The following ATP11C variants were observed in gnomAD, a reference collection of about 807,000 sequenced individuals.
The protein encoded by ATP11C is ATPase phospholipid transporting 11C (ATP11C blood group), also known as phospholipid-transporting ATPase IG.
In ATP11C, 36 loss-of-function variants were observed where a neutral mutation model predicts 97.4. That is an observed-to-expected ratio of 0.37 (90% confidence interval 0.28 to 0.49). The LOEUF is 0.49. ATP11C is among the 20% of genes least tolerant of loss of function. ATP11C has a pLI of 0.98. For missense variants in ATP11C, 730 were observed against 824.6 expected (o/e 0.89, Z 1.40); for synonymous variants, 275 against 290.9 (o/e 0.95, Z 0.56).
At chrX:139,907,282 A>G (rs749457010) in intron 1 of ATP11C, among the ~76,000 whole-genome samples, 3 of 111,792 alleles carry the variant, frequency 2.7e-5, no homozygotes, top group African/African-American at 9.8e-5. Context: ...CCACATGACT[A>G]AGATTTCTCC....
chrX:139,730,477 G>A (rs2081319284), intron 29 of ATP11C, among the ~76,000 whole-genome samples: 2 of 111,638 alleles, frequency 1.8e-5, no homozygotes, highest in Non-Finnish European at 1.9e-5. Context: ...GTGGCAAAAT[G>A]AGTCTGCTTC....
chrX:139,781,811 T>C (rs947898997), intron 18 of ATP11C, among the ~76,000 whole-genome samples: 1 of 112,242 alleles, frequency 8.9e-6, no homozygotes, highest in Non-Finnish European at 1.9e-5. Flanking sequence ...TAAGCTCTCA[T>C]GTTGTTCACT....
intron 1 of ATP11C, among the ~76,000 whole-genome samples, chrX:139,837,538 T>C (rs1186749764): frequency 1.8e-5 from 2 of 112,545 alleles, no homozygotes; most frequent in African/African-American, 3.2e-5. Context: ...GTTAATACAA[T>C]TCTAAGTCTA....
At chrX:139,836,434 G>A (rs1294378263) in intron 1 of ATP11C, among the ~76,000 whole-genome samples, 1 of 110,945 alleles carries the variant, frequency 9.0e-6, no homozygotes, top group Non-Finnish European at 1.9e-5. Flanking sequence ...AGAATCGCTT[G>A]AGCCTGGGAG....
intron 5 of ATP11C, among the ~76,000 whole-genome samples, chrX:139,806,527 A>C (rs978404365): frequency 4.5e-5 from 5 of 111,780 alleles, no homozygotes; most frequent in Admixed American, 2.8e-4. Context: ...CCAAGCATAG[A>C]AGGAAGAGAT....
rs140878163 is a variant in ATP11C at position 139,903,317 on chromosome X, C to T, written c.27+28699G>A. ...GGTGTGTTAGGACTCAGGGGGCAGGCCTCTGACCTTTTCCTGCCCTCCTTT... is the reference window on the plus strand; with the variant it reads ...GGTGTGTTAGGACTCAGGGGGCAGGTCTCTGACCTTTTCCTGCCCTCCTTT... On this transcript the variant is annotated intron_variant, in intron 1 of 29. Transcript: ENST00000682941. Among the ~76,000 whole-genome samples, 5 of 110,807 alleles carry T rather than the reference C, an allele frequency of 4.5e-5. No individual in the cohort carries two copies. In the East Asian group the frequency reaches 1.4e-3, roughly 32 times the overall value.
intron 7 of ATP11C, 80 bp downstream of exon 7, chrX:139,802,156 G>A: frequency 2.9e-6 from 2 of 692,630 alleles, no homozygotes; most frequent in Non-Finnish European, 4.7e-6. Context: ...GGTAAGTGGT[G>A]GGTGTTTCTT....
chrX:139,805,831 T>A (rs1381894435), intron 5 of ATP11C, among the ~76,000 whole-genome samples: 1 of 112,372 alleles, frequency 8.9e-6, no homozygotes, highest in African/African-American at 3.2e-5. Context: ...AGGAAGAATT[T>A]TATTTTCTTT....
At chrX:139,790,371 T>G (rs1433941834) in intron 12 of ATP11C, among the ~76,000 whole-genome samples, 3 of 110,888 alleles carry the variant, frequency 2.7e-5, no homozygotes, top group Non-Finnish European at 5.7e-5. Flanking sequence ...GCCCAGCCAG[T>G]TAACCTGTTT....
chrX:139,924,927 G>A lies in ATP11C; in HGVS notation c.27+7089C>T, dbSNP rs766963463. On this transcript the variant is annotated intron_variant, in intron 1 of 29. Transcript: ENST00000682941. The stretch of plus-strand genomic sequence containing the variant: ...GCTATAATAAATCACATCCGCAAGC[G>A]TTTCTATGTACTGAGTTCTGCCAGT... Among the ~76,000 whole-genome samples the A allele has an allele frequency of 2.8e-4, 31 of 111,570 alleles. 1 individual carries two copies. The highest frequency in any genetic ancestry group is 5.5e-4 in the Non-Finnish European group (29 of 53,171).
intron 1 of ATP11C, among the ~76,000 whole-genome samples, chrX:139,876,642 G>A (rs1262741868): frequency 8.9e-6 from 1 of 112,101 alleles, no homozygotes; most frequent in African/African-American, 3.2e-5. Context: ...AGCTGCAAGT[G>A]ATGCCAATTT....
Position 139,774,708 on chromosome X carries a change from C to T in ATP11C, c.2198G>A (p.Ser733Asn). The part of the protein sequence containing the change: ...RKKLLHEFPK[S>N]TRSFKKAWTE... ...TTCTTACTTTTTAAAGCTTCTAGTA[C>T]TTTTAGGAAACTCATGCAGCAATTT... Residue 733 changes from serine (S) to asparagine (N), a missense_variant, in exon 19 of 30, where the codon AGT becomes AAT. Transcript: ENST00000682941. 2 of 1,208,019 alleles carry T rather than the reference C, an allele frequency of 1.7e-6. No individual in the cohort carries two copies. The highest frequency in any genetic ancestry group is 2.2e-6 in the Non-Finnish European group (2 of 892,902).
At chrX:139,796,617 C>G in intron 11 of ATP11C, 147 bp from the exon 12 acceptor site, 1 of 430,793 alleles carries the variant, frequency 2.3e-6, no homozygotes, top group Non-Finnish European at 4.0e-6. Flanking sequence ...AACACTACAT[C>G]ACTGTAGTCA....
At chrX:139,898,655 T>C (rs1464086035) in intron 1 of ATP11C, among the ~76,000 whole-genome samples, 1 of 111,696 alleles carries the variant, frequency 9.0e-6, no homozygotes, top group Non-Finnish European at 1.9e-5. Context: ...AATATTCATT[T>C]TAATGTCAAA....
At chrX:139,884,296 T>C (rs1422629648) in intron 1 of ATP11C, among the ~76,000 whole-genome samples, 2 of 111,218 alleles carry the variant, frequency 1.8e-5, no homozygotes. Flanking sequence ...ATAACCTTAC[T>C]GAAACAACCT....
intron 1 of ATP11C, among the ~76,000 whole-genome samples, chrX:139,903,480 G>A (rs780913682): frequency 4.3e-4 from 47 of 109,748 alleles, no homozygotes; most frequent in African/African-American, 1.5e-3. Context: ...GACACGTGGA[G>A]GTTCCTGGAG....
rs773322260 is a variant in ATP11C, at chrX:139,780,268, TA to T, written c.1952+2278del. On this transcript the variant is annotated intron_variant, in intron 18 of 29. Transcript: ENST00000682941. ...ATAAAAAAAGAAAACTATAGGCCATTATTCATGATGAACATAGATGTAAAAA... is the reference window on the plus strand; with the variant it reads ...ATAAAAAAAGAAAACTATAGGCCATTTTCATGATGAACATAGATGTAAAAA... Among the ~76,000 whole-genome samples the T allele has an allele frequency of 3.1e-4, 34 of 111,302 alleles. No individual in the cohort carries two copies. The South Asian group carries it at 0.013, about 42-fold the overall frequency.
At chrX:139,769,267 T>TA (rs1358216049) in intron 19 of ATP11C, among the ~76,000 whole-genome samples, 1 of 70,779 alleles carries the variant, frequency 1.4e-5, no homozygotes, top group Non-Finnish European at 2.6e-5. Flanking sequence ...ACAAATGGCT[T>TA]TGGGGCAAAC....
rs1477158812 is a variant in ATP11C, at chrX:139,745,758, AAAGT to A, written c.2924_2927del (p.Tyr975PhefsTer8). ...CTTCTAGGGATGCAGTCTGAAAAAGAAAGTAAGTCCCAAAGAAGAACACTGTCCC... is the reference window on the plus strand; with the variant it reads ...CTTCTAGGGATGCAGTCTGAAAAAGAAAGTCCCAAAGAAGAACACTGTCCC... On this transcript the variant is annotated frameshift_variant, in exon 25 of 30. Transcript: ENST00000682941. LOFTEE classifies it high-confidence loss of function. 1 of 1,206,778 alleles carries A rather than the reference AAAGT, an allele frequency of 8.3e-7. No individual in the cohort carries two copies. Among genetic ancestry groups the A allele is most frequent in the African/African-American group, 1.8e-5 (1 of 57,075 alleles).
Sources: allele counts gnomAD v4.1 joint callset (sites outside exome capture counted in the v4.1 genomes callset), GRCh38; gene constraint gnomAD v4.1.1; transcripts MANE v1.5; gene names NCBI Gene and HGNC (gene_info 2026-07-23, HGNC 2026-07-21).